Variants in GALNT15 observed in about 807,000 individuals in gnomAD.
GALNT15 encodes polypeptide N-acetylgalactosaminyltransferase 15.
In GALNT15, 67 loss-of-function variants were observed where a neutral mutation model predicts 66.8. The observed-to-expected ratio is 1.00, with a 90% CI of 0.82 to 1.23. The LOEUF is 1.23. Among genes scored for constraint, GALNT15 ranks in the 50% most tolerant of loss-of-function variants. The pLI is 0.00. For missense variants in GALNT15, 827 were observed against 804.3 expected (o/e 1.03, Z -0.34); for synonymous variants, 313 against 311.5 (o/e 1.00, Z -0.05).
At chr3:16,233,557 A>G (rs1335815723), downstream of GALNT15, among the ~76,000 whole-genome samples, 1 of 151,906 alleles carries the variant, frequency 6.6e-6, no homozygotes, top group Non-Finnish European at 1.5e-5. Flanking sequence ...GTCTGTGGTC[A>G]TGTCGTCCCT....
chr3:16,213,198 G>A (rs560232503), intron 6 of GALNT15, among the ~76,000 whole-genome samples: 15 of 152,124 alleles, frequency 9.9e-5, no homozygotes, highest in Non-Finnish European at 1.6e-4. Context: ...GCTCATGCCT[G>A]TAATCCCAGC....
rs1055463433 is a variant in GALNT15 at position 16,230,088 on chromosome 3, G to T, written c.*2588G>T. 6.6e-6 allele frequency among the ~76,000 whole-genome samples: 1 copy of T among 152,088 alleles called. No homozygotes were observed. The highest frequency in any genetic ancestry group is 2.4e-5 in the African/African-American group (1 of 41,396). On this transcript the variant is annotated 3_prime_UTR_variant, in exon 10 of 10. Coordinates refer to ENST00000339732, the MANE Select transcript of GALNT15 (RefSeq NM_054110.5). This position sits in a 1 kb window ranked among gnomAD's most constrained non-coding sequence, Gnocchi z 4.5. The stretch of plus-strand genomic sequence containing the variant: ...TGAGAGATCTGATTCCCAAGAGATT[G>T]GTTTCACTTGTCTACCTGAATTTTG...
chr3:16,218,444 A>G (rs2063903910), intron 6 of GALNT15, among the ~76,000 whole-genome samples: 1 of 152,210 alleles, frequency 6.6e-6, no homozygotes, highest in Non-Finnish European at 1.5e-5. Context: ...ACTTTTGGAT[A>G]CAGTTCTTTG....
the GALNT15 span, among the ~76,000 whole-genome samples, chr3:16,242,568 G>C: frequency 6.6e-6 from 1 of 151,704 alleles, no homozygotes; most frequent in Non-Finnish European, 1.5e-5. The surrounding 1 kb of genome is among the most constrained non-coding windows in gnomAD (Gnocchi z 5.6). Context: ...GACCAGCTTG[G>C]GCAACATGGC....
At chr3:16,201,414 T>C (rs542205115) in intron 3 of GALNT15, among the ~76,000 whole-genome samples, 170 of 152,082 alleles carry the variant, frequency 1.1e-3, no homozygotes, top group South Asian at 2.1e-3. Context: ...ATCTCCTGAC[T>C]TCGTGATCCG....
chr3:16,212,872 G>A (rs2063832245), intron 6 of GALNT15, 109 bp downstream of exon 6: 6 of 964,254 alleles, frequency 6.2e-6, no homozygotes, highest in Non-Finnish European at 9.2e-6. Flanking sequence ...AGAAGATTCT[G>A]GCTTGAGCTT....
intron 3 of GALNT15, among the ~76,000 whole-genome samples, chr3:16,207,867 C>G (rs1242246956): frequency 6.6e-6 from 1 of 152,160 alleles, no homozygotes; most frequent in Non-Finnish European, 1.5e-5. Flanking sequence ...AAGTTAAGAG[C>G]CACAGTCCTA....
chr3:16,212,488 C>A, intron 5 of GALNT15, 81 bp from the exon 6 acceptor site: 1 of 1,304,338 alleles, frequency 7.7e-7, no homozygotes, highest in Non-Finnish European at 1.1e-6. Flanking sequence ...ATTTTGCCAG[C>A]CCCTCATAGA....
At chr3:16,221,308 A>G (rs2063940150) in intron 8 of GALNT15, among the ~76,000 whole-genome samples, 2 of 147,404 alleles carry the variant, frequency 1.4e-5, no homozygotes, top group Admixed American at 6.8e-5. Flanking sequence ...CAATATTGTA[A>G]ACTAGAAAAG....
Position 16,219,290 on chromosome 3 carries a change from C to T in GALNT15, c.1393-113C>T, listed in dbSNP as rs938992574. ...AGCCCTGGAGAACTGTGGTCTTGGC[C>T]CCTTCCTTCTGTCCTGATCCTTTAG... On this transcript the variant is annotated intron_variant, in intron 6 of 9. Coordinates refer to ENST00000339732, the MANE Select transcript of GALNT15 (RefSeq NM_054110.5). This position sits in a 1 kb window ranked among gnomAD's most constrained non-coding sequence, Gnocchi z 4.3. The T allele has an allele frequency of 5.1e-6, 7 of 1,383,076 alleles. No homozygotes were observed. In the African/African-American group the frequency reaches 1.0e-4, roughly 20 times the overall value. 85.7% of individuals were successfully genotyped at this position (1,383,076 alleles called of 1,614,324 possible).
the GALNT15 span, among the ~76,000 whole-genome samples, chr3:16,239,123 TCTC>T: frequency 5.3e-5 from 8 of 151,938 alleles, no homozygotes. The surrounding 1 kb of genome is among the most constrained non-coding windows in gnomAD (Gnocchi z 5.2). Flanking sequence ...AGAAGCAAGT[TCTC>T]CTCATTAATA....
chr3:16,215,073 T>A (rs1273127017), intron 6 of GALNT15, among the ~76,000 whole-genome samples: 1 of 152,212 alleles, frequency 6.6e-6, no homozygotes, highest in Non-Finnish European at 1.5e-5. Context: ...TAGTTTTTGA[T>A]GCGCCAGACT....
intron 1 of GALNT15, among the ~76,000 whole-genome samples, chr3:16,192,143 C>G (rs34441883): frequency 0.21 from 32,030 of 152,136 alleles, 3,517 homozygotes; most frequent in Admixed American, 0.24. Flanking sequence ...CTAAATATGT[C>G]TGATTCTGAA....
downstream of GALNT15, among the ~76,000 whole-genome samples, chr3:16,235,531 G>T (rs1225199207): frequency 6.6e-6 from 1 of 152,162 alleles, no homozygotes; most frequent in Admixed American, 6.5e-5. Context: ...TTGAGGAAGC[G>T]ATGGATTCAA....
chr3:16,228,967 T>C lies in GALNT15; in HGVS notation c.*1467T>C. ...ATGACTTTCCTTGCTATGACTTGGC[T>C]TACCTGAATTAGCTGTAAGAGTTGC... On this transcript the variant is annotated 3_prime_UTR_variant, in exon 10 of 10. Coordinates refer to ENST00000339732, the MANE Select transcript of GALNT15 (RefSeq NM_054110.5). 1.0e-6 allele frequency: 1 copy of C among 985,466 alleles called. No homozygotes were observed. The highest frequency in any genetic ancestry group is 1.2e-6 in the Non-Finnish European group (1 of 829,940). The allele number at this position is 985,466 out of a possible 1,614,324, so 61.0% of individuals were successfully genotyped here.
At chr3:16,234,658 C>A (rs1402517438), downstream of GALNT15, among the ~76,000 whole-genome samples, 2 of 152,248 alleles carry the variant, frequency 1.3e-5, no homozygotes, top group Non-Finnish European at 2.9e-5. Context: ...GCACACAAAT[C>A]CTTATCTCTA....
chr3:16,235,902 C>A (rs913365375), downstream of GALNT15, among the ~76,000 whole-genome samples: 3 of 151,630 alleles, frequency 2.0e-5, no homozygotes, highest in African/African-American at 7.3e-5. Flanking sequence ...GTCAGGAGTT[C>A]GAGACCAGAC....
chr3:16,200,833 T>C lies in GALNT15; in HGVS notation c.911+10T>C. 2 of 1,589,782 alleles carry C rather than the reference T, an allele frequency of 1.3e-6. No individual in the cohort carries two copies. Among genetic ancestry groups the C allele is most frequent in the Non-Finnish European group, 1.7e-6 (2 of 1,168,578 alleles). On this transcript the variant is annotated intron_variant, in intron 3 of 9. Transcript: ENST00000339732. This position sits in a 1 kb window ranked among gnomAD's most constrained non-coding sequence, Gnocchi z 4.4. ...GAATAGCTGGTGACAGGTAACTTAT[T>C]CCCTGGGCTTGCAAAGCAAGACATG...
chr3:16,238,760 G>A, the GALNT15 span, among the ~76,000 whole-genome samples: 4 of 152,208 alleles, frequency 2.6e-5, no homozygotes, highest in South Asian at 8.3e-4. This position sits in a 1 kb window ranked among gnomAD's most constrained non-coding sequence, Gnocchi z 4.8. Context: ...AATAAAACAG[G>A]GACTGTCCAA....
Sources: allele counts gnomAD v4.1 joint callset (sites outside exome capture counted in the v4.1 genomes callset), GRCh38; gene constraint gnomAD v4.1.1; non-coding constraint Gnocchi (gnomAD v3.1); transcripts MANE v1.5; gene names NCBI Gene and HGNC (gene_info 2026-07-23, HGNC 2026-07-21).